The following POU2F1 variants were observed in gnomAD, a reference collection of about 807,000 sequenced individuals.
POU2F1 encodes POU domain, class 2, transcription factor 1.
In POU2F1, 16 loss-of-function variants were observed where a neutral mutation model predicts 84.9. The observed-to-expected ratio is 0.19, with a 90% CI of 0.13 to 0.29. The LOEUF (loss-of-function observed/expected upper bound fraction) is 0.29, where lower values mean the gene tolerates loss of function less well. Ranked by LOEUF, POU2F1 falls within the 10% of genes least tolerant of loss-of-function variation. The pLI is 1.00. For missense variants in POU2F1, 738 were observed against 942.6 expected, an observed-to-expected ratio of 0.78 and a Z score of 2.84; for synonymous variants, 368 against 368.3, an observed-to-expected ratio of 1.00 and a Z score of 0.01.
intron 1 of POU2F1, among the ~76,000 whole-genome samples, chr1:167,278,837 A>AAAATTCTATTTTAATG (rs1652923548): frequency 1.5e-4 from 5 of 32,846 alleles, no homozygotes; most frequent in African/African-American, 5.2e-4. Context: ...CTATTTTAAT[A>AAAATTCTATTTTAATG]GAATTTATTT....
intron 2 of POU2F1, among the ~76,000 whole-genome samples, chr1:167,349,839 A>G (rs777938477): frequency 4.6e-5 from 7 of 152,334 alleles, no homozygotes; most frequent in South Asian, 2.1e-4. Context: ...GTTTCATTCA[A>G]AATAGGAGAT....
At chr1:167,288,431 G>A (rs1653683581) in intron 1 of POU2F1, among the ~76,000 whole-genome samples, 1 of 152,148 alleles carries the variant, frequency 6.6e-6, no homozygotes, top group Admixed American at 6.5e-5. Context: ...AGCTGACTTG[G>A]AGTGGCTAGG....
rs117611355 is a variant in POU2F1 at position 167,244,579 on chromosome 1, C to G, written c.61+23621C>G. Among the ~76,000 whole-genome samples the G allele has an allele frequency of 8.9e-4, 135 of 152,222 alleles. 2 individuals are homozygous for G. In the East Asian group the frequency reaches 0.018, roughly 21 times the overall value. On this transcript the variant is annotated intron_variant, in intron 1 of 15. Transcript: ENST00000367866. ...GACATCTCATCCCTTTTTCAGTATT[C>G]TGTTTATTAGAAGCAAGTCACTTGG...
chr1:167,317,052 T>C (rs1655957855), intron 1 of POU2F1, among the ~76,000 whole-genome samples: 1 of 152,126 alleles, frequency 6.6e-6, no homozygotes, highest in Non-Finnish European at 1.5e-5. Flanking sequence ...CCACCACACC[T>C]GACTAAATTC....
chr1:167,278,576 T>C (rs1394187282), intron 1 of POU2F1, among the ~76,000 whole-genome samples: 2 of 152,228 alleles, frequency 1.3e-5, no homozygotes, highest in African/African-American at 4.8e-5. Context: ...GTTACATTTA[T>C]CATTCGACAC....
At chr1:167,233,176 C>A (rs1304104487) in intron 1 of POU2F1, among the ~76,000 whole-genome samples, 1 of 150,624 alleles carries the variant, frequency 6.6e-6, no homozygotes, top group African/African-American at 2.4e-5. Flanking sequence ...AGCTCTGTCA[C>A]CCAGACTGGA....
intron 9 of POU2F1, 30 bp downstream of exon 9, chr1:167,389,791 C>T: frequency 1.3e-6 from 2 of 1,599,492 alleles, no homozygotes; most frequent in Non-Finnish European, 1.7e-6. Flanking sequence ...CATTGATTCC[C>T]CTCCTTGGCT....
chr1:167,358,737 TGAG>T (rs1659152747), intron 2 of POU2F1, among the ~76,000 whole-genome samples: 1 of 88,774 alleles, frequency 1.1e-5, no homozygotes, highest in African/African-American at 3.7e-5. Flanking sequence ...TTTTTTTTTT[TGAG>T]ACAGGTTCTG....
At chr1:167,374,732 A>G (rs769173292) in intron 6 of POU2F1, among the ~76,000 whole-genome samples, 2 of 152,172 alleles carry the variant, frequency 1.3e-5, no homozygotes, top group African/African-American at 2.4e-5. Flanking sequence ...TTTGGTTTCA[A>G]TTTTCACATT....
At chr1:167,326,260 C>G (rs1300593986) in intron 1 of POU2F1, among the ~76,000 whole-genome samples, 1 of 152,202 alleles carries the variant, frequency 6.6e-6, no homozygotes, top group Non-Finnish European at 1.5e-5. Context: ...GAATGACTGA[C>G]AATCCCACAA....
At chr1:167,237,249 T>G (rs778667382) in intron 1 of POU2F1, among the ~76,000 whole-genome samples, 2 of 152,220 alleles carry the variant, frequency 1.3e-5, no homozygotes, top group Non-Finnish European at 2.9e-5. Flanking sequence ...AACATACTTA[T>G]GCGTGTTGGG....
chr1:167,226,922 A>G (rs1648672759), intron 1 of POU2F1, among the ~76,000 whole-genome samples: 1 of 152,168 alleles, frequency 6.6e-6, no homozygotes, highest in African/African-American at 2.4e-5. Context: ...CTCTAGATTT[A>G]TCAGATTATC....
chr1:167,341,497 G>T (rs1220947886), intron 2 of POU2F1, among the ~76,000 whole-genome samples: 1 of 152,112 alleles, frequency 6.6e-6, no homozygotes, highest in Non-Finnish European at 1.5e-5. Context: ...ATTGAAAGGG[G>T]AGAGTTCCCT....
chr1:167,249,477 G>A (rs547814046), intron 1 of POU2F1, among the ~76,000 whole-genome samples: 6 of 152,156 alleles, frequency 3.9e-5, no homozygotes, highest in South Asian at 2.1e-4. Flanking sequence ...AGTGGAGATG[G>A]CAGCCCTCCA....
chr1:167,411,868 T>C, intron 13 of POU2F1, 91 bp from the exon 14 acceptor site: 1 of 1,186,472 alleles, frequency 8.4e-7, no homozygotes, highest in Non-Finnish European at 1.2e-6. Context: ...AGGTTAATTA[T>C]TCCATTGATT....
At chr1:167,368,639 C>G (rs1419435265) in intron 3 of POU2F1, among the ~76,000 whole-genome samples, 1 of 152,140 alleles carries the variant, frequency 6.6e-6, no homozygotes, top group Admixed American at 6.5e-5. Flanking sequence ...AGGCCTTAAA[C>G]ATATTATCTG....
intron 1 of POU2F1, among the ~76,000 whole-genome samples, chr1:167,268,766 C>T (rs748992444): frequency 6.6e-5 from 10 of 152,158 alleles, no homozygotes; most frequent in East Asian, 5.8e-4. Context: ...CAATGCACAC[C>T]GAGTAGTAAA....
chr1:167,331,461 A>G (rs1657081847), intron 1 of POU2F1, among the ~76,000 whole-genome samples: 1 of 152,110 alleles, frequency 6.6e-6, no homozygotes, highest in Admixed American at 6.5e-5. Context: ...GTTAATAACT[A>G]AAGTTAAATG....
At chr1:167,249,941 C>CT (rs1470727491) in intron 1 of POU2F1, among the ~76,000 whole-genome samples, 2 of 152,162 alleles carry the variant, frequency 1.3e-5, no homozygotes, top group Non-Finnish European at 2.9e-5. Flanking sequence ...CCACTTCTTG[C>CT]TGTCAGATGG....
Sources: gnomAD v4.1 joint callset for allele counts (sites outside exome capture counted in the v4.1 genomes callset) on GRCh38, gnomAD v4.1.1 for gene constraint, MANE v1.5 for transcripts, NCBI Gene and HGNC (gene_info 2026-07-23, HGNC 2026-07-21) for gene names.